Variants in NAA16 observed in about 807,000 individuals in gnomAD.
NAA16 encodes the protein N-alpha-acetyltransferase 16, NatA auxiliary subunit.
Under a neutral mutation model 110.3 loss-of-function variants are expected in NAA16, and 97 were observed. That is an observed-to-expected ratio of 0.88 (90% CI 0.75 to 1.04). The LOEUF (loss-of-function observed/expected upper bound fraction) is 1.04, where lower values mean the gene tolerates loss of function less well. Among genes scored for constraint, NAA16 ranks in the 50% least tolerant of loss-of-function variants. The pLI, the probability that NAA16 is intolerant of heterozygous loss-of-function variation, is 0.00. For missense variants in NAA16, 1,017 were observed against 1,005.1 expected (o/e 1.01, Z -0.16); for synonymous variants, 372 against 330.6 (o/e 1.13, Z -1.36).
At chr13:41,321,876 C>T (rs2041956465) in intron 4 of NAA16, among the ~76,000 whole-genome samples, 2 of 152,152 alleles carry the variant, frequency 1.3e-5, no homozygotes, top group Non-Finnish European at 2.9e-5. Context: ...AGCCCTCATA[C>T]CCCATGCCTA....
intron 9 of NAA16, among the ~76,000 whole-genome samples, chr13:41,343,319 G>A (rs1298071158): frequency 6.6e-6 from 1 of 151,916 alleles, no homozygotes; most frequent in Non-Finnish European, 1.5e-5. Flanking sequence ...CAAACTTCTG[G>A]GCTCAAGTGA....
chr13:41,337,154 A>G (rs967308016), intron 9 of NAA16, among the ~76,000 whole-genome samples: 8 of 152,228 alleles, frequency 5.3e-5, no homozygotes, highest in Non-Finnish European at 1.0e-4. Flanking sequence ...TGGTCAAATT[A>G]CTGGTACAAA....
chr13:41,371,272 T>G (rs2043311262), intron 15 of NAA16, among the ~76,000 whole-genome samples: 1 of 152,232 alleles, frequency 6.6e-6, no homozygotes, highest in African/African-American at 2.4e-5. Context: ...GTTCTGATTA[T>G]TCAAGACTGT....
Position 41,358,309 on chromosome 13 carries a change from G to A in NAA16, c.1093G>A (p.Gly365Arg). 1 of 1,611,662 alleles carries A rather than the reference G, an allele frequency of 6.2e-7. No individual in the cohort carries two copies. Among genetic ancestry groups the A allele is most frequent in the Non-Finnish European group, 8.5e-7 (1 of 1,178,258 alleles). The stretch of plus-strand genomic sequence containing the variant: ...TAATATTTGTTTGATTGCAGAGAAT[G>A]GGGAGAAGGAACCCCCGACAACACT... ...TCDFFSPYENGEKEPPTTLLW... is the reference protein window; with the variant it reads ...TCDFFSPYENREKEPPTTLLW... The change falls in exon 11 of 20, where the codon GGG (glycine) becomes AGG (arginine). Residue 365 changes from glycine to arginine, a missense_variant. Gly to Arg is a moderately radical substitution (Grantham distance 125). Transcript: ENST00000379406.
At chr13:41,335,699 T>G (rs2042361361) in intron 8 of NAA16, among the ~76,000 whole-genome samples, 1 of 152,218 alleles carries the variant, frequency 6.6e-6, no homozygotes, top group Non-Finnish European at 1.5e-5. Context: ...TCTAATTATA[T>G]TGAGTATGCA....
intron 8 of NAA16, among the ~76,000 whole-genome samples, chr13:41,336,205 C>T (rs1217043304): frequency 6.6e-6 from 1 of 151,296 alleles, no homozygotes; most frequent in Non-Finnish European, 1.5e-5. Context: ...ACTGCTATAT[C>T]CTCAATACCT....
intron 10 of NAA16, among the ~76,000 whole-genome samples, chr13:41,356,922 G>A (rs186992573): frequency 1.3e-5 from 2 of 152,246 alleles, no homozygotes; most frequent in South Asian, 2.1e-4. Flanking sequence ...GCTTCCTGTT[G>A]TGTCATGTCA....
chr13:41,372,822 C>G lies in NAA16; in HGVS notation c.2147C>G (p.Ser716Cys). The change falls in exon 17 of 20, where the codon TCT (serine) becomes TGT (cysteine). Residue 716 changes from serine to cysteine, a missense_variant. Coordinates refer to ENST00000379406, the MANE Select transcript of NAA16 (RefSeq NM_024561.5). ...PWLHECLIRF[S>C]KSVSNHSNLP... ...TTACATGAATGTTTAATTAGATTTT[C>G]TAAATCTGGTAAGTATAAAAAAGGA... 2 of 1,574,752 alleles carry G rather than the reference C, an allele frequency of 1.3e-6. No homozygotes were observed. The highest frequency in any genetic ancestry group is 1.7e-6 in the Non-Finnish European group (2 of 1,156,418).
intron 4 of NAA16, 122 bp from the exon 5 acceptor site, chr13:41,322,934 A>T: frequency 1.1e-6 from 1 of 930,910 alleles, no homozygotes; most frequent in South Asian, 1.4e-5. Flanking sequence ...CTTCTATTTT[A>T]TTCTGAAACT....
At chr13:41,336,170 A>T (rs867664494) in intron 8 of NAA16, among the ~76,000 whole-genome samples, 140 of 140,472 alleles carry the variant, frequency 1.0e-3, no homozygotes, top group Middle Eastern at 7.0e-3. Flanking sequence ...TTTAAAAAAA[A>T]ATTTTTTTTT....
chr13:41,319,046 A>G, intron 3 of NAA16, 136 bp downstream of exon 3: 2 of 436,816 alleles, frequency 4.6e-6, no homozygotes, highest in South Asian at 7.0e-5. Context: ...TTACTCAACT[A>G]TAATCATTAT....
rs2043425436 is a variant in NAA16, at chr13:41,376,276, A to C, written c.*674A>C. 6.6e-6 allele frequency: 1 copy of C among 152,246 alleles called. No individual in the cohort carries two copies. The highest frequency in any genetic ancestry group is 2.1e-4 in the South Asian group (1 of 4,830). 9.4% of individuals were successfully genotyped at this position (152,246 alleles called of 1,614,324 possible). On this transcript the variant is annotated 3_prime_UTR_variant, in exon 20 of 20. Coordinates refer to ENST00000379406, the MANE Select transcript of NAA16 (RefSeq NM_024561.5). ...TGCACTCCAGCCTGGGCAACAGAGC[A>C]AGACTCCATCTCGAAAAAAAGGAAT...
chr13:41,358,059 G>A (rs1192962379), intron 10 of NAA16, among the ~76,000 whole-genome samples: 1 of 152,090 alleles, frequency 6.6e-6, no homozygotes, highest in Non-Finnish European at 1.5e-5. Flanking sequence ...CTTTTCCCCA[G>A]CATTGTTTCT....
At position 41,374,735 on chromosome 13, in the gene NAA16, A is replaced by G. The variant is rs370392843; in HGVS notation, c.2300-7A>G. ...TTTATTCATTTTGAAATGCCTTGGT[A>G]TTTCAGGTGCTAAAATGATGTATTT... On this transcript the variant is annotated splice_region_variant and splice_polypyrimidine_tract_variant and intron_variant, in intron 18 of 19. Coordinates refer to ENST00000379406, the MANE Select transcript of NAA16 (RefSeq NM_024561.5). The G allele has an allele frequency of 6.3e-7, 1 of 1,590,440 alleles. No homozygotes were observed. The highest frequency in any genetic ancestry group is 8.6e-7 in the Non-Finnish European group (1 of 1,161,266).
chr13:41,360,578 C>T (rs1026157029), intron 12 of NAA16, among the ~76,000 whole-genome samples: 2 of 152,156 alleles, frequency 1.3e-5, no homozygotes, highest in Admixed American at 6.5e-5. Context: ...TCATAACTGC[C>T]TCTGATCATC....
chr13:41,364,409 A>C (rs2043171285), intron 13 of NAA16, among the ~76,000 whole-genome samples: 1 of 152,030 alleles, frequency 6.6e-6, no homozygotes, highest in African/African-American at 2.4e-5. Context: ...CCCCCCCATA[A>C]GATTTTAGGG....
Position 41,376,939 on chromosome 13 carries a change from T to A in NAA16, c.*1337T>A, listed in dbSNP as rs1300056034. On this transcript the variant is annotated 3_prime_UTR_variant, in exon 20 of 20. Coordinates refer to ENST00000379406, the MANE Select transcript of NAA16 (RefSeq NM_024561.5). ...CACACATTTTCTTTTCACCCTAATC[T>A]ATTTAGATTCATACTTATTGAGACG... 2 of 152,176 alleles carry A rather than the reference T, an allele frequency of 1.3e-5. No homozygotes were observed. Among genetic ancestry groups the A allele is most frequent in the Non-Finnish European group, 2.9e-5 (2 of 68,020 alleles). The allele number at this position is 152,176 out of a possible 1,614,324, so 9.4% of individuals were successfully genotyped here. A position where few individuals can be genotyped will look rare whatever the true frequency, so the allele number is the denominator to read the frequency against.
chr13:41,317,039 A>G (rs1002140603), intron 2 of NAA16, 109 bp downstream of exon 2: 1 of 734,020 alleles, frequency 1.4e-6, no homozygotes, highest in Non-Finnish European at 2.4e-6. Context: ...GTTCTCTATT[A>G]GAGTGCATAA....
intron 9 of NAA16, among the ~76,000 whole-genome samples, chr13:41,351,848 C>T (rs1223314110): frequency 6.6e-6 from 1 of 152,076 alleles, no homozygotes; most frequent in Non-Finnish European, 1.5e-5. Context: ...GATTGGCTTT[C>T]TTGACTTTAA....
Sources: allele counts gnomAD v4.1 joint callset (sites outside exome capture counted in the v4.1 genomes callset), GRCh38; gene constraint gnomAD v4.1.1; transcripts MANE v1.5; gene names NCBI Gene and HGNC (gene_info 2026-07-23, HGNC 2026-07-21).